KDM4C: variants seen among roughly 807,000 people sequenced by gnomAD.
KDM4C encodes lysine demethylase 4C, also known as lysine-specific demethylase 4C.
In KDM4C, 81 loss-of-function variants were observed where a neutral mutation model predicts 129.3. That is an observed-to-expected ratio of 0.63 (90% CI 0.52 to 0.75). The LOEUF is 0.75. Ranked by LOEUF, KDM4C falls within the 30% of genes least tolerant of loss-of-function variation. The probability of loss-of-function intolerance (pLI) is 0.00; values close to 1 mark genes in which losing one functional copy is unlikely to be tolerated. For missense variants in KDM4C, 1,457 were observed against 1,304.0 expected (o/e 1.12, Z -1.81); for synonymous variants, 573 against 456.1 (o/e 1.26, Z -3.26).
chr9:7,045,950 T>G (rs1829328556), intron 15 of KDM4C, among the ~76,000 whole-genome samples: 1 of 151,998 alleles, frequency 6.6e-6, no homozygotes, highest in South Asian at 2.1e-4. Context: ...GAACATCACT[T>G]TAGTGGACAG....
chr9:7,070,795 A>C (rs1385863582), intron 17 of KDM4C, among the ~76,000 whole-genome samples: 2 of 152,176 alleles, frequency 1.3e-5, no homozygotes, highest in Non-Finnish European at 2.9e-5. Context: ...GACTGTGAAC[A>C]AGGTAATGAA....
intron 1 of KDM4C, among the ~76,000 whole-genome samples, chr9:6,742,829 TG>T (rs1348349358): frequency 1.3e-5 from 2 of 151,588 alleles, no homozygotes; most frequent in Non-Finnish European, 2.9e-5. Flanking sequence ...ACGCAGAAAA[TG>T]GGGTCAAAAA....
intron 8 of KDM4C, among the ~76,000 whole-genome samples, chr9:6,895,905 G>A (rs941773314): frequency 5.9e-5 from 9 of 152,122 alleles, no homozygotes; most frequent in African/African-American, 1.9e-4. Context: ...ATATTTTCAT[G>A]TCTATTCTTG....
At chr9:6,860,714 C>G (rs1324199343) in intron 5 of KDM4C, among the ~76,000 whole-genome samples, 1 of 152,186 alleles carries the variant, frequency 6.6e-6, no homozygotes, top group Non-Finnish European at 1.5e-5. Context: ...TTTAGTCTTG[C>G]AGTAGTACAG....
upstream of KDM4C, chr9:6,757,744 A>C: frequency 1.0e-6 from 1 of 985,602 alleles, no homozygotes; most frequent in Non-Finnish European, 1.2e-6. Flanking sequence ...GGTTCTGTGC[A>C]CCTGTTTTCT....
chr9:6,777,496 T>A (rs1279738892), intron 1 of KDM4C, among the ~76,000 whole-genome samples: 3 of 152,234 alleles, frequency 2.0e-5, no homozygotes, highest in South Asian at 2.1e-4. Context: ...ATCTGCCTCA[T>A]TTTATCTTTT....
chr9:6,969,616 C>T (rs1043790406), intron 8 of KDM4C, among the ~76,000 whole-genome samples: 1 of 152,214 alleles, frequency 6.6e-6, no homozygotes, highest in Non-Finnish European at 1.5e-5. Context: ...ATAACGCATT[C>T]CATCCCATGC....
At chr9:6,903,285 T>C (rs1202031373) in intron 8 of KDM4C, among the ~76,000 whole-genome samples, 9 of 152,208 alleles carry the variant, frequency 5.9e-5, no homozygotes, top group Admixed American at 2.6e-4. Flanking sequence ...ATTATTGAAA[T>C]AGCATGAAAA....
chr9:6,774,655 T>TA (rs906287814), intron 1 of KDM4C, among the ~76,000 whole-genome samples: 11 of 151,110 alleles, frequency 7.3e-5, no homozygotes, highest in African/African-American at 2.2e-4. Context: ...ACAGAGTGTT[T>TA]AAAAAAAAAA....
chr9:7,015,230 G>A lies in KDM4C; in HGVS notation c.2183-623G>A, dbSNP rs181409929. On this transcript the variant is annotated intron_variant, in intron 14 of 21. Transcript: ENST00000381309. ...TTATACGGAGGGGTTTTTAATATTGGAAATATTAAAAATTACTCATTTAAA... is the reference window on the plus strand; with the variant it reads ...TTATACGGAGGGGTTTTTAATATTGAAAATATTAAAAATTACTCATTTAAA... 1.8e-3 allele frequency among the ~76,000 whole-genome samples: 274 copies of A among 151,872 alleles called. 1 individual carries two copies. The highest frequency in any genetic ancestry group is 6.3e-3 in the African/African-American group (262 of 41,392).
At chr9:6,877,457 C>T (rs1299905612) in intron 5 of KDM4C, among the ~76,000 whole-genome samples, 1 of 152,208 alleles carries the variant, frequency 6.6e-6, no homozygotes, top group African/African-American at 2.4e-5. Flanking sequence ...GCCTCGACCT[C>T]CCAAAGTGCT....
intron 19 of KDM4C, among the ~76,000 whole-genome samples, chr9:7,146,248 G>C (rs1842204836): frequency 6.6e-6 from 1 of 152,158 alleles, no homozygotes; most frequent in South Asian, 2.1e-4. Flanking sequence ...GATTATCTTT[G>C]GAGAGTGTAA....
At chr9:7,029,110 G>T (rs1244374695) in intron 15 of KDM4C, among the ~76,000 whole-genome samples, 11 of 152,040 alleles carry the variant, frequency 7.2e-5, no homozygotes, top group Non-Finnish European at 1.6e-4. Flanking sequence ...CTTCTATTTG[G>T]CCATCTTGTT....
chr9:6,803,548 C>G (rs1165873603), intron 2 of KDM4C, among the ~76,000 whole-genome samples: 1 of 139,150 alleles, frequency 7.2e-6, no homozygotes, highest in Non-Finnish European at 1.6e-5. Context: ...CCAGCCTGGG[C>G]AACAAGAGCA....
chr9:6,901,894 A>G (rs1313044025), intron 8 of KDM4C, among the ~76,000 whole-genome samples: 3 of 152,188 alleles, frequency 2.0e-5, no homozygotes, highest in African/African-American at 4.8e-5. Flanking sequence ...ACTTCAGTCT[A>G]TGTTCTCAGC....
At chr9:7,045,071 G>A (rs186603443) in intron 15 of KDM4C, among the ~76,000 whole-genome samples, 3 of 151,956 alleles carry the variant, frequency 2.0e-5, no homozygotes, top group Non-Finnish European at 4.4e-5. Context: ...TCTTGTGATG[G>A]TGGAGAATCT....
At chr9:6,987,454 C>T (rs1470457014) in intron 11 of KDM4C, among the ~76,000 whole-genome samples, 8 of 152,144 alleles carry the variant, frequency 5.3e-5, no homozygotes, top group Admixed American at 2.6e-4. Context: ...CTGTCTGTAG[C>T]GATTGTCAGA....
intron 8 of KDM4C, among the ~76,000 whole-genome samples, chr9:6,933,239 A>G (rs1212196847): frequency 6.6e-6 from 1 of 152,258 alleles, no homozygotes; most frequent in East Asian, 1.9e-4. Flanking sequence ...AGCCTTTAGT[A>G]GAATCTGACA....
At chr9:7,114,628 A>C (rs1838691856) in intron 18 of KDM4C, among the ~76,000 whole-genome samples, 2 of 152,192 alleles carry the variant, frequency 1.3e-5, no homozygotes, top group East Asian at 3.9e-4. Flanking sequence ...AATTCAAGAC[A>C]AAGGCATTTT....
Sources: gnomAD v4.1 joint callset for allele counts (sites outside exome capture counted in the v4.1 genomes callset) on GRCh38, gnomAD v4.1.1 for gene constraint, MANE v1.5 for transcripts, NCBI Gene and HGNC (gene_info 2026-07-23, HGNC 2026-07-21) for gene names.